Variants in COL25A1 observed in about 807,000 individuals in gnomAD.
COL25A1 encodes collagen type XXV alpha 1 chain.
Under a neutral mutation model 128.4 loss-of-function variants are expected in COL25A1, and 103 were observed. The ratio of observed to expected loss-of-function variants is 0.80; its 90% CI spans 0.68 to 0.94. The LOEUF (loss-of-function observed/expected upper bound fraction) is 0.94. Ranked by LOEUF, COL25A1 falls within the 40% of genes least tolerant of loss-of-function variation. The pLI is 0.00. For missense variants in COL25A1, 745 were observed against 840.0 expected (o/e 0.89, Z 1.40); for synonymous variants, 279 against 277.2 (o/e 1.01, Z -0.06).
rs149318016 is a variant in COL25A1, at chr4:108,823,423, A to G, written c.1845+751T>C. Among the ~76,000 whole-genome samples the G allele has an allele frequency of 2.8e-3, 420 of 152,196 alleles. 1 individual carries two copies. Among genetic ancestry groups the G allele is most frequent in the African/African-American group, 9.8e-3 (405 of 41,532 alleles). ...AGGGAGGGAGGGAAGGAGAGAAAAGAAACAGAGGAGAGTAAAGAAGGGAAA... is the reference window on the plus strand; with the variant it reads ...AGGGAGGGAGGGAAGGAGAGAAAAGGAACAGAGGAGAGTAAAGAAGGGAAA... On this transcript the variant is annotated intron_variant, in intron 35 of 37. Coordinates refer to ENST00000399132, the MANE Select transcript of COL25A1 (RefSeq NM_198721.4).
intron 3 of COL25A1, among the ~76,000 whole-genome samples, chr4:109,246,984 C>T (rs1241581981): frequency 1.3e-5 from 2 of 152,078 alleles, no homozygotes; most frequent in Admixed American, 6.6e-5. Flanking sequence ...AATAAAAGAC[C>T]TAAAACAAAA....
chr4:108,861,303 A>AT (rs1358182038), intron 22 of COL25A1, among the ~76,000 whole-genome samples: 1 of 152,152 alleles, frequency 6.6e-6, no homozygotes, highest in Non-Finnish European at 1.5e-5. Context: ...AAATTGAGCC[A>AT]TTTTCTTCCT....
intron 3 of COL25A1, among the ~76,000 whole-genome samples, chr4:109,136,784 C>T (rs1398137371): frequency 6.6e-6 from 1 of 152,254 alleles, no homozygotes; most frequent in Non-Finnish European, 1.5e-5. Flanking sequence ...ATGTGGATCA[C>T]GGCCTCCCCT....
chr4:109,237,510 A>G (rs996726666), intron 3 of COL25A1, among the ~76,000 whole-genome samples: 2 of 152,034 alleles, frequency 1.3e-5, no homozygotes, highest in African/African-American at 4.8e-5. Flanking sequence ...TAAAAATCAC[A>G]TGAATAAATA....
At chr4:109,012,958 C>G (rs1756789263) in intron 5 of COL25A1, among the ~76,000 whole-genome samples, 1 of 152,244 alleles carries the variant, frequency 6.6e-6, no homozygotes, top group Admixed American at 6.5e-5. Context: ...ACTTGGAGAA[C>G]TTTTATGTCT....
In COL25A1 at chr4:109,268,238, G is replaced by A. The variant is rs149812010; in HGVS notation, c.367+32345C>T. On this transcript the variant is annotated intron_variant, in intron 3 of 37. Coordinates refer to ENST00000399132, the MANE Select transcript of COL25A1 (RefSeq NM_198721.4). ...GACTGAAGAATGTCTGCAATAATCT[G>A]AACATTTTCCTTTTTCTTTGTTTTG... is the stretch of plus-strand genomic sequence containing the variant. Among the ~76,000 whole-genome samples the A allele has an allele frequency of 1.4e-3, 212 of 152,248 alleles. 1 individual carries two copies. Among genetic ancestry groups the A allele is most frequent in the African/African-American group, 4.5e-3 (189 of 41,546 alleles).
chr4:108,974,963 T>C (rs963225098), intron 6 of COL25A1, among the ~76,000 whole-genome samples: 1 of 152,242 alleles, frequency 6.6e-6, no homozygotes, highest in African/African-American at 2.4e-5. Flanking sequence ...TCTGTTTTTG[T>C]ACTTCATGTA....
intron 3 of COL25A1, among the ~76,000 whole-genome samples, chr4:109,177,502 C>A (rs927826153): frequency 6.6e-6 from 1 of 152,200 alleles, no homozygotes; most frequent in Non-Finnish European, 1.5e-5. Flanking sequence ...AACCAGCCCC[C>A]ACCCCAGACC....
chr4:109,088,369 G>A (rs1764594649), intron 3 of COL25A1, among the ~76,000 whole-genome samples: 1 of 152,146 alleles, frequency 6.6e-6, no homozygotes, highest in Non-Finnish European at 1.5e-5. Context: ...TAAATCAGTG[G>A]TTCTGAGATC....
intron 8 of COL25A1, among the ~76,000 whole-genome samples, chr4:108,966,874 GAAAA>G (rs981856112): frequency 2.8e-5 from 3 of 109,024 alleles, no homozygotes; most frequent in South Asian, 2.9e-4. Context: ...GAAAAGAAAA[GAAAA>G]AAAGAAAAGG....
chr4:108,980,688 G>C (rs1203366258), intron 6 of COL25A1, among the ~76,000 whole-genome samples: 1 of 152,176 alleles, frequency 6.6e-6, no homozygotes, highest in East Asian at 1.9e-4. Context: ...CTTCTGAATA[G>C]AGGAAACCTT....
At chr4:108,920,267 C>T (rs1185480925) in intron 12 of COL25A1, among the ~76,000 whole-genome samples, 4 of 152,136 alleles carry the variant, frequency 2.6e-5, no homozygotes, top group Non-Finnish European at 5.9e-5. Context: ...ATTCATTTTG[C>T]AATATCAAAT....
chr4:109,256,651 G>A (rs927693198), intron 3 of COL25A1, among the ~76,000 whole-genome samples: 1 of 152,070 alleles, frequency 6.6e-6, no homozygotes, highest in Non-Finnish European at 1.5e-5. Flanking sequence ...CACTCATGGA[G>A]CTTTTGTGGC....
At position 109,062,693 on chromosome 4, in the gene COL25A1, A is replaced by ATT. The variant is rs1417214859; in HGVS notation, c.368-12516_368-12515dup. On this transcript the variant is annotated intron_variant, in intron 3 of 37. Transcript: ENST00000399132. ...CTTAATCCACTTTGGTACAACCTAT[A>ATT]TTCCATCCACATGCATATTTATGAA... 5.3e-5 allele frequency among the ~76,000 whole-genome samples: 8 copies of ATT among 152,368 alleles called. No homozygotes were observed. In the East Asian group the frequency reaches 1.5e-3, roughly 29 times the overall value.
intron 13 of COL25A1, among the ~76,000 whole-genome samples, chr4:108,905,875 GGA>G (rs1253805170): frequency 6.6e-6 from 1 of 151,718 alleles, no homozygotes; most frequent in African/African-American, 2.4e-5. Context: ...GGGGAGGCGT[GGA>G]GAGACTAGAA....
At chr4:108,988,689 C>G (rs1025928789) in intron 6 of COL25A1, among the ~76,000 whole-genome samples, 1 of 152,222 alleles carries the variant, frequency 6.6e-6, no homozygotes, top group South Asian at 2.1e-4. Flanking sequence ...TAACGAGTCA[C>G]TCCTGAAACC....
intron 3 of COL25A1, among the ~76,000 whole-genome samples, chr4:109,076,581 ATT>A (rs1307869612): frequency 6.6e-6 from 1 of 152,034 alleles, no homozygotes; most frequent in African/African-American, 2.4e-5. Context: ...GTAGAAGAGA[ATT>A]TTTCCATGGA....
At chr4:109,173,581 T>C (rs1459948706) in intron 3 of COL25A1, among the ~76,000 whole-genome samples, 1 of 152,228 alleles carries the variant, frequency 6.6e-6, no homozygotes, top group African/African-American at 2.4e-5. Flanking sequence ...CTATGAGTAT[T>C]GCTTTTTCTA....
intron 10 of COL25A1, among the ~76,000 whole-genome samples, chr4:108,939,669 T>C (rs1330746762): frequency 2.0e-5 from 3 of 152,180 alleles, no homozygotes; most frequent in African/African-American, 7.2e-5. Context: ...TATTATTATG[T>C]ACTACAAAAA....
Sources: gnomAD v4.1 joint callset for allele counts (sites outside exome capture counted in the v4.1 genomes callset) on GRCh38, gnomAD v4.1.1 for gene constraint, MANE v1.5 for transcripts, NCBI Gene and HGNC (gene_info 2026-07-23, HGNC 2026-07-21) for gene names.